The following MAPKAPK3 variants were observed in gnomAD, a reference collection of about 807,000 sequenced individuals.
MAPKAPK3 encodes the protein MAPK activated protein kinase 3.
Under a neutral mutation model 49.2 loss-of-function variants are expected in MAPKAPK3, and 35 were observed. That is an observed-to-expected ratio of 0.71 (90% CI 0.54 to 0.94). MAPKAPK3 has a LOEUF of 0.94. Ranked by LOEUF, MAPKAPK3 falls within the 40% of genes least tolerant of loss-of-function variation. The probability of loss-of-function intolerance (pLI) is 0.00; values close to 1 mark genes in which losing one functional copy is unlikely to be tolerated. For missense variants in MAPKAPK3, 398 were observed against 493.1 expected, an observed-to-expected ratio of 0.81 and a Z score of 1.83; for synonymous variants, 178 against 188.7, an observed-to-expected ratio of 0.94 and a Z score of 0.46.
In MAPKAPK3 at chr3:50,641,694, A is replaced by G; in HGVS notation, c.360-13A>G. The G allele has an allele frequency of 6.2e-7, 1 of 1,612,528 alleles. No homozygotes were observed. Among genetic ancestry groups the G allele is most frequent in the Non-Finnish European group, 8.5e-7 (1 of 1,178,748 alleles). On this transcript the variant is annotated splice_polypyrimidine_tract_variant and intron_variant, in intron 3 of 10. Transcript: ENST00000621469. ...AGTTTCCCCCTCTCTGCTTATAGTC[A>G]CCTCTTTTACAGCATGGAAGGTGGT...
At chr3:50,624,272 C>T (rs2032680361) in intron 2 of MAPKAPK3, among the ~76,000 whole-genome samples, 1 of 149,644 alleles carries the variant, frequency 6.7e-6, no homozygotes, top group African/African-American at 2.5e-5. Context: ...TGTGTGTGTG[C>T]ACTCACGTGT....
upstream of MAPKAPK3, chr3:50,611,741 G>T: frequency 1.4e-6 from 2 of 1,391,076 alleles, no homozygotes. Context: ...GTGCTGGGTA[G>T]GCTCCCGGGG....
chr3:50,635,434 TTGAGATGGAG>T (rs2033012977), intron 2 of MAPKAPK3, among the ~76,000 whole-genome samples: 1 of 99,010 alleles, frequency 1.0e-5, no homozygotes, highest in East Asian at 2.8e-4. Flanking sequence ...TTTTTTTTTT[TTGAGATGGAG>T]TTTCATTCTG....
intron 2 of MAPKAPK3, among the ~76,000 whole-genome samples, chr3:50,631,729 G>A (rs1421841846): frequency 1.3e-5 from 2 of 151,210 alleles, no homozygotes; most frequent in Admixed American, 6.7e-5. Flanking sequence ...TGTCAAGGAG[G>A]GAGTATGGTA....
chr3:50,638,986 C>T (rs1180282485), intron 2 of MAPKAPK3, among the ~76,000 whole-genome samples: 1 of 152,228 alleles, frequency 6.6e-6, no homozygotes, highest in African/African-American at 2.4e-5. Context: ...TGGCTTGTCC[C>T]TGCTGTCCCC....
intron 3 of MAPKAPK3, among the ~76,000 whole-genome samples, chr3:50,640,887 C>T (rs768388264): frequency 2.0e-5 from 3 of 152,204 alleles, no homozygotes; most frequent in Non-Finnish European, 2.9e-5. Context: ...TGGGTATGTG[C>T]TCCCATGGTC....
At chr3:50,637,580 C>A (rs1559487834) in intron 2 of MAPKAPK3, among the ~76,000 whole-genome samples, 3 of 148,474 alleles carry the variant, frequency 2.0e-5, no homozygotes, top group Admixed American at 1.4e-4. Context: ...TGCAGTGAGC[C>A]GAGATCGTGC....
intron 2 of MAPKAPK3, among the ~76,000 whole-genome samples, chr3:50,624,842 G>A (rs961290588): frequency 5.3e-5 from 8 of 152,202 alleles, no homozygotes; most frequent in Non-Finnish European, 1.0e-4. Context: ...GCATACCTGT[G>A]CCATGAGAGT....
rs1172563493 is a variant in MAPKAPK3, at chr3:50,619,663, A to C, written c.219+1879A>C. On this transcript the variant is annotated intron_variant, in intron 2 of 10. Coordinates refer to ENST00000621469, the MANE Select transcript of MAPKAPK3 (RefSeq NM_001243925.2). ...ACCAAGGCTTTGACCCTGTGGGCCAAGACTGAGCTCTGACCAGCCCCTGTG... is the reference window on the plus strand; with the variant it reads ...ACCAAGGCTTTGACCCTGTGGGCCACGACTGAGCTCTGACCAGCCCCTGTG... Among the ~76,000 whole-genome samples the C allele has an allele frequency of 2.0e-5, 3 of 152,146 alleles. No individual in the cohort carries two copies. In the East Asian group the frequency reaches 5.8e-4, roughly 29 times the overall value.
upstream of MAPKAPK3, among the ~76,000 whole-genome samples, chr3:50,616,834 A>C (rs904034975): frequency 6.6e-6 from 1 of 151,980 alleles, no homozygotes; most frequent in Non-Finnish European, 1.5e-5. Flanking sequence ...AGAGCTTTCA[A>C]GAGAAATAAG....
chr3:50,626,085 C>CG (rs1186332488), intron 2 of MAPKAPK3, among the ~76,000 whole-genome samples: 3 of 151,932 alleles, frequency 2.0e-5, no homozygotes, highest in Admixed American at 6.6e-5. Flanking sequence ...CCGCCACCCC[C>CG]CCATGGCTTG....
rs1482145074 is a variant in MAPKAPK3, at chr3:50,641,688, A to G, written c.360-19A>G. 2.5e-6 allele frequency: 4 copies of G among 1,610,646 alleles called. No homozygotes were observed. The highest frequency in any genetic ancestry group is 3.4e-6 in the Non-Finnish European group (4 of 1,176,824). On this transcript the variant is annotated intron_variant, in intron 3 of 10. Transcript: ENST00000621469. ...ATGTGCAGTTTCCCCCTCTCTGCTT[A>G]TAGTCACCTCTTTTACAGCATGGAA...
intron 2 of MAPKAPK3, among the ~76,000 whole-genome samples, chr3:50,625,440 G>C (rs1029548463): frequency 2.0e-5 from 3 of 152,164 alleles, no homozygotes; most frequent in African/African-American, 7.2e-5. Context: ...ATTAGGCCCT[G>C]TGCAATTGTG....
upstream of MAPKAPK3, chr3:50,614,110 T>C (rs753165048): frequency 1.3e-5 from 2 of 152,176 alleles, no homozygotes; most frequent in African/African-American, 2.4e-5. Flanking sequence ...ATGACAGCAC[T>C]GTGCACCTCA....
chr3:50,647,033 TGAG>T, intron 9 of MAPKAPK3, 87 bp from the exon 10 acceptor site: 1 of 1,257,278 alleles, frequency 8.0e-7, no homozygotes, highest in Non-Finnish European at 1.1e-6. Context: ...TTTTTCCATC[TGAG>T]TCTGGGAGAA....
chr3:50,641,706 G>A lies in MAPKAPK3; in HGVS notation c.360-1G>A. On this transcript the variant is annotated splice_acceptor_variant, in intron 3 of 10. Transcript: ENST00000621469. LOFTEE classifies it high-confidence loss of function. The stretch of plus-strand genomic sequence containing the variant: ...TCTGCTTATAGTCACCTCTTTTACA[G>A]CATGGAAGGTGGTGAGTTGTTCAGC... 1 of 1,613,926 alleles carries A rather than the reference G, an allele frequency of 6.2e-7. No individual in the cohort carries two copies. The highest frequency in any genetic ancestry group is 8.5e-7 in the Non-Finnish European group (1 of 1,179,772).
chr3:50,618,862 TG>T (rs916419925), intron 2 of MAPKAPK3, among the ~76,000 whole-genome samples: 35 of 152,190 alleles, frequency 2.3e-4, no homozygotes, highest in African/African-American at 8.2e-4. Flanking sequence ...GCTAATTTTT[TG>T]TATTTTTAGT....
At chr3:50,631,385 T>TTG (rs2032908034) in intron 2 of MAPKAPK3, among the ~76,000 whole-genome samples, 2 of 152,058 alleles carry the variant, frequency 1.3e-5, no homozygotes, top group Non-Finnish European at 2.9e-5. Flanking sequence ...TGCTGAAGCT[T>TTG]TAAGAAGGAA....
At chr3:50,641,629 G>A (rs1351472849) in intron 3 of MAPKAPK3, 78 bp from the exon 4 acceptor site, 1 of 1,157,220 alleles carries the variant, frequency 8.6e-7, no homozygotes, top group African/African-American at 1.5e-5. Flanking sequence ...TGAAGCCTGG[G>A]CCTATGATTT....
Sources: allele counts gnomAD v4.1 joint callset (sites outside exome capture counted in the v4.1 genomes callset), GRCh38; gene constraint gnomAD v4.1.1; transcripts MANE v1.5; gene names NCBI Gene and HGNC (gene_info 2026-07-23, HGNC 2026-07-21).